Variants in ARNT2 observed in about 807,000 individuals in gnomAD.
ARNT2 encodes the protein ARNT protein 2.
ARNT2 carries 36 observed loss-of-function variants against 91.7 expected under a neutral mutation model. That is an observed-to-expected ratio of 0.39 (90% CI 0.30 to 0.52). The LOEUF (loss-of-function observed/expected upper bound fraction) is 0.52. Ranked by LOEUF, ARNT2 falls within the 20% of genes least tolerant of loss-of-function variation. The pLI, the probability that ARNT2 is intolerant of heterozygous loss-of-function variation, is 0.72. For missense variants in ARNT2, 775 were observed against 939.3 expected, an observed-to-expected ratio of 0.83 and a Z score of 2.29; for synonymous variants, 365 against 347.1, an observed-to-expected ratio of 1.05 and a Z score of -0.57.
intron 10 of ARNT2, 149 bp downstream of exon 10, chr15:80,552,923 C>T (rs1898109369): frequency 2.1e-6 from 2 of 974,462 alleles, no homozygotes; most frequent in Non-Finnish European, 1.4e-6. Context: ...CGATAGATAT[C>T]CTTCCAAGGC....
intron 1 of ARNT2, among the ~76,000 whole-genome samples, chr15:80,433,523 T>A (rs1160404441): frequency 1.3e-5 from 2 of 152,038 alleles, no homozygotes; most frequent in Non-Finnish European, 2.9e-5. Flanking sequence ...TGGCCTCAAG[T>A]GATCCACCCA....
intron 8 of ARNT2, among the ~76,000 whole-genome samples, chr15:80,548,571 G>T (rs911343292): frequency 3.9e-5 from 6 of 152,010 alleles, no homozygotes; most frequent in African/African-American, 1.4e-4. Flanking sequence ...AATAATTCAG[G>T]TTAATATATG....
chr15:80,549,647 C>CT (rs1407055565), intron 8 of ARNT2, among the ~76,000 whole-genome samples: 1 of 152,208 alleles, frequency 6.6e-6, no homozygotes, highest in Non-Finnish European at 1.5e-5. Flanking sequence ...TAGGACAACA[C>CT]TAAGAAATCA....
chr15:80,439,442 C>A (rs758430425), intron 1 of ARNT2, among the ~76,000 whole-genome samples: 11 of 152,114 alleles, frequency 7.2e-5, no homozygotes, highest in Non-Finnish European at 1.5e-4. Context: ...AGGTTTTGGG[C>A]AAATAGTGTA....
At chr15:80,481,268 T>C (rs1896883067) in intron 5 of ARNT2, among the ~76,000 whole-genome samples, 1 of 152,242 alleles carries the variant, frequency 6.6e-6, no homozygotes, top group South Asian at 2.1e-4. Flanking sequence ...GGAGCCATTT[T>C]CAGCCAGCTC....
intron 5 of ARNT2, among the ~76,000 whole-genome samples, chr15:80,489,180 A>G (rs1043387997): frequency 2.0e-5 from 3 of 152,250 alleles, no homozygotes; most frequent in African/African-American, 7.2e-5. Flanking sequence ...GATAAAGAAA[A>G]TAAAATAGTT....
At chr15:80,549,284 CAA>C (rs1169341094) in intron 8 of ARNT2, among the ~76,000 whole-genome samples, 1 of 152,214 alleles carries the variant, frequency 6.6e-6, no homozygotes, top group South Asian at 2.1e-4. Flanking sequence ...CAGAGGAAAA[CAA>C]GAGTGAATTT....
At chr15:80,514,121 G>A in intron 7 of ARNT2, 145 bp downstream of exon 7, 2 of 971,378 alleles carry the variant, frequency 2.1e-6, no homozygotes, top group Non-Finnish European at 3.2e-6. Context: ...GCAGAGATGA[G>A]AGAGAACAGG....
At chr15:80,514,511 C>G in intron 8 of ARNT2, 106 bp downstream of exon 8, 1 of 949,598 alleles carries the variant, frequency 1.1e-6, no homozygotes, top group Non-Finnish European at 1.6e-6. Flanking sequence ...GGAAAATATT[C>G]TTATTTTTCT....
intron 1 of ARNT2, among the ~76,000 whole-genome samples, chr15:80,437,922 TACACACACACACACACAC>T (rs58142108): frequency 2.1e-5 from 3 of 141,562 alleles, no homozygotes; most frequent in African/African-American, 7.8e-5. Context: ...TGTATTTACC[TACACACACACACACACAC>T]ACACACACAC....
chr15:80,496,380 T>G (rs1345035661), intron 5 of ARNT2, among the ~76,000 whole-genome samples: 3 of 152,168 alleles, frequency 2.0e-5, no homozygotes, highest in African/African-American at 4.8e-5. Flanking sequence ...TAGGTAGAGT[T>G]TGACACAGCC....
chr15:80,524,897 G>T (rs980041425), intron 8 of ARNT2, among the ~76,000 whole-genome samples: 1 of 150,674 alleles, frequency 6.6e-6, no homozygotes, highest in Admixed American at 6.6e-5. Flanking sequence ...AAAGAACAAA[G>T]TGCTAAGAAG....
chr15:80,565,195 G>A (rs1166527681), intron 12 of ARNT2, among the ~76,000 whole-genome samples: 4 of 152,158 alleles, frequency 2.6e-5, no homozygotes, highest in Non-Finnish European at 2.9e-5. Flanking sequence ...AAAGTGCTGG[G>A]ATTACAGGTG....
intron 8 of ARNT2, among the ~76,000 whole-genome samples, chr15:80,521,349 A>G (rs900240960): frequency 7.9e-5 from 12 of 152,188 alleles, no homozygotes; most frequent in Admixed American, 6.5e-5. Flanking sequence ...TAAAAATCAG[A>G]CTATAAAAAA....
intron 11 of ARNT2, chr15:80,562,846 G>T: frequency 1.7e-6 from 1 of 591,994 alleles, no homozygotes; most frequent in Non-Finnish European, 3.0e-6. Context: ...GGCATTGAGT[G>T]GTTGCTTTCT....
chr15:80,416,626 T>G (rs541393537), intron 1 of ARNT2, among the ~76,000 whole-genome samples: 24 of 151,966 alleles, frequency 1.6e-4, no homozygotes, highest in African/African-American at 2.7e-4. Flanking sequence ...TCTCAGTTTT[T>G]TTTGTTTGTT....
At chr15:80,521,963 G>A (rs1897554466) in intron 8 of ARNT2, among the ~76,000 whole-genome samples, 1 of 152,088 alleles carries the variant, frequency 6.6e-6, no homozygotes, top group Non-Finnish European at 1.5e-5. Context: ...AGACAGTGAA[G>A]CCTTGCTGTC....
At chr15:80,479,370 GA>G (rs1896852609) in intron 5 of ARNT2, among the ~76,000 whole-genome samples, 1 of 152,226 alleles carries the variant, frequency 6.6e-6, no homozygotes, top group Non-Finnish European at 1.5e-5. Flanking sequence ...AAACATCATG[GA>G]GTGATGTGAC....
At chr15:80,552,505 T>C in intron 9 of ARNT2, 135 bp from the exon 10 acceptor site, 1 of 1,170,536 alleles carries the variant, frequency 8.5e-7, no homozygotes, top group African/African-American at 1.5e-5. Context: ...ATTTGAACAC[T>C]TTAGGGTCAT....
Sources: allele counts gnomAD v4.1 joint callset (sites outside exome capture counted in the v4.1 genomes callset), GRCh38; gene constraint gnomAD v4.1.1; transcripts MANE v1.5; gene names NCBI Gene and HGNC (gene_info 2026-07-23, HGNC 2026-07-21).